RGS22: variants seen among roughly 807,000 people sequenced by gnomAD.
The protein encoded by RGS22 is regulator of G protein signaling 22.
RGS22 carries 148 observed loss-of-function variants against 172.9 expected under a neutral mutation model. The observed-to-expected ratio is 0.86, with a 90% confidence interval of 0.75 to 0.98. The LOEUF is 0.98. RGS22 is among the 50% of genes least tolerant of loss of function. The pLI, the probability that RGS22 is intolerant of heterozygous loss-of-function variation, is 0.00. For missense variants in RGS22, 1,347 were observed against 1,440.8 expected (o/e 0.93, Z 1.05); for synonymous variants, 458 against 480.2 (o/e 0.95, Z 0.60).
At chr8:100,020,742 T>C (rs1305589448) in intron 14 of RGS22, among the ~76,000 whole-genome samples, 2 of 152,184 alleles carry the variant, frequency 1.3e-5, no homozygotes, top group African/African-American at 2.4e-5. Flanking sequence ...AAAGAAATTA[T>C]GATTCAAGTC....
chr8:100,038,835 C>T, intron 14 of RGS22, 96 bp downstream of exon 14: 1 of 575,098 alleles, frequency 1.7e-6, no homozygotes. Flanking sequence ...TGCCTTTTTG[C>T]CTGCGATCCC....
rs144515359 is a variant in RGS22 at position 100,041,782 on chromosome 8, T to G, written c.1938+20A>C. On this transcript the variant is annotated intron_variant, in intron 12 of 27. Transcript: ENST00000360863. ...CAGTTAAATGAAGAATCAGGTTTAT[T>G]CAGTCCTCAAAACACTCACCCTAGG... 3.8e-5 allele frequency: 49 copies of G among 1,297,946 alleles called. No homozygotes were observed. In the East Asian group the frequency reaches 5.8e-4, roughly 15 times the overall value. 80.4% of individuals were successfully genotyped at this position (1,297,946 alleles called of 1,614,324 possible).
At position 100,008,526 on chromosome 8, in the gene RGS22, A is replaced by G. The variant is rs187755012; in HGVS notation, c.2210T>C (p.Ile737Thr). Reference sequence around the variant, plus strand: ...TTTTTTCTTTTCCTGTTGGAGTCCAATGTCAAGAGTGGCAGAAGGAGCAAC... The same window carrying G: ...TTTTTTCTTTTCCTGTTGGAGTCCAGTGTCAAGAGTGGCAGAAGGAGCAAC... The part of the protein sequence containing the change: ...TYVAPSATLD[I>T]GLQQEKKKEI... The change falls in exon 15 of 28, where the codon ATT becomes ACT. Residue 737 changes from isoleucine to threonine, a missense_variant. Physicochemically the swap from Ile to Thr is moderately conservative, Grantham distance 89 (BLOSUM62 -1). Coordinates refer to ENST00000360863, the MANE Select transcript of RGS22 (RefSeq NM_015668.5). 2.5e-6 allele frequency: 4 copies of G among 1,612,180 alleles called. No homozygotes were observed. Among genetic ancestry groups the G allele is most frequent in the African/African-American group, 2.7e-5 (2 of 74,736 alleles).
chr8:99,964,524 G>C (rs1031552432), intron 24 of RGS22, among the ~76,000 whole-genome samples: 1 of 150,054 alleles, frequency 6.7e-6, no homozygotes, highest in Non-Finnish European at 1.5e-5. Context: ...TCTCTAACTG[G>C]ACCCTGATAT....
At chr8:100,023,631 C>T (rs1817852191) in intron 14 of RGS22, among the ~76,000 whole-genome samples, 2 of 152,078 alleles carry the variant, frequency 1.3e-5, no homozygotes, top group African/African-American at 4.8e-5. Context: ...AATAGGGCCT[C>T]ACCACGTTGT....
At chr8:100,037,187 C>T (rs1413947271) in intron 14 of RGS22, among the ~76,000 whole-genome samples, 2 of 152,096 alleles carry the variant, frequency 1.3e-5, no homozygotes, top group Admixed American at 6.5e-5. Context: ...AATCCCAGCA[C>T]TTAGGCTGAG....
chr8:100,049,587 T>C (rs997555916), intron 10 of RGS22, among the ~76,000 whole-genome samples: 1 of 152,308 alleles, frequency 6.6e-6, no homozygotes, highest in East Asian at 1.9e-4. Flanking sequence ...CCCCCTTTCT[T>C]TTCAGCTTAA....
intron 15 of RGS22, among the ~76,000 whole-genome samples, chr8:100,007,211 A>G (rs866568943): frequency 6.6e-6 from 1 of 152,226 alleles, no homozygotes; most frequent in Non-Finnish European, 1.5e-5. Context: ...CGATCTAAGA[A>G]GTTGTTGAGG....
chr8:100,069,326 T>C (rs1238448735), intron 6 of RGS22, among the ~76,000 whole-genome samples: 4 of 152,190 alleles, frequency 2.6e-5, no homozygotes, highest in African/African-American at 7.2e-5. Context: ...ATATCTGTCA[T>C]AGGGAGTAGC....
chr8:100,102,764 G>A (rs546633116), intron 2 of RGS22, among the ~76,000 whole-genome samples: 37 of 152,378 alleles, frequency 2.4e-4, no homozygotes, highest in Non-Finnish European at 2.5e-4. Flanking sequence ...CAGGAGGCAT[G>A]TGGATGTACT....
rs1264819147 is a variant in RGS22, at chr8:100,004,095, T to G, written c.2458A>C (p.Thr820Pro). Residue 820 changes from threonine (T) to proline (P), a missense_variant, in exon 17 of 28, where the codon ACC becomes CCC. Thr to Pro is a conservative substitution (Grantham distance 38). Transcript: ENST00000360863. ...ATGCCAGTTCCAATTTCACAAGTGG[T>G]GTCCTAGTGAAATAGTACTTTTCAG... is the stretch of plus-strand genomic sequence containing the variant. Reference protein sequence around the residue: ...KETFSKKAEDTTCEIGTGILS... With the variant: ...KETFSKKAEDPTCEIGTGILS... 6.3e-7 allele frequency: 1 copy of G among 1,596,568 alleles called. No individual in the cohort carries two copies. Among genetic ancestry groups the G allele is most frequent in the Non-Finnish European group, 8.5e-7 (1 of 1,170,896 alleles).
rs531423663 is a variant in RGS22, at chr8:100,089,625, A to T, written c.117+3822T>A. On this transcript the variant is annotated intron_variant, in intron 3 of 27. Coordinates refer to ENST00000360863, the MANE Select transcript of RGS22 (RefSeq NM_015668.5). ...ACATATGGCACCAAAAATGGAACAC[A>T]ACGGTCTAAGTGCAGTCTGACAATT... Among the ~76,000 whole-genome samples, 11 of 152,214 alleles carry T rather than the reference A, an allele frequency of 7.2e-5. No individual in the cohort carries two copies. The East Asian group carries it at 1.9e-3, about 27-fold the overall frequency.
intron 27 of RGS22, 43 bp downstream of exon 27, chr8:99,962,351 G>A (rs889510868): frequency 3.3e-5 from 41 of 1,251,702 alleles, no homozygotes; most frequent in East Asian, 1.4e-4. Context: ...AGTGTATTAC[G>A]AGGACATGTG....
intron 14 of RGS22, among the ~76,000 whole-genome samples, chr8:100,034,629 T>C (rs767515611): frequency 7.9e-5 from 12 of 152,100 alleles, no homozygotes; most frequent in Non-Finnish European, 1.0e-4. Flanking sequence ...AAAGTGCATA[T>C]GGAACCAAAA....
At chr8:99,971,833 T>C (rs1262484284) in intron 23 of RGS22, among the ~76,000 whole-genome samples, 2 of 152,078 alleles carry the variant, frequency 1.3e-5, no homozygotes, top group Non-Finnish European at 2.9e-5. Context: ...CCCAAAGTAA[T>C]TTATAGATTC....
chr8:99,962,214 G>A (rs1810275717), intron 27 of RGS22, among the ~76,000 whole-genome samples, 180 bp downstream of exon 27: 1 of 152,092 alleles, frequency 6.6e-6, no homozygotes, highest in African/African-American at 2.4e-5. Context: ...ACTCTCCAGA[G>A]GCCTTACTTC....
At chr8:100,051,936 TTTATATATTTATATATAAATGTTTA>T (rs1563672132) in intron 10 of RGS22, among the ~76,000 whole-genome samples, 3 of 49,288 alleles carry the variant, frequency 6.1e-5, no homozygotes, top group African/African-American at 1.7e-4. Context: ...TTTATATATA[TTTATATATTTATATATAAATGTTTA>T]TATATATTTA....
In RGS22 at chr8:100,006,084, T is replaced by G. The variant is rs1180403859; in HGVS notation, c.2387A>C (p.Gln796Pro). 1 of 1,613,048 alleles carries G rather than the reference T, an allele frequency of 6.2e-7. No individual in the cohort carries two copies. Among genetic ancestry groups the G allele is most frequent in the African/African-American group, 1.3e-5 (1 of 74,878 alleles). ...KKVELVEETRQLDSTYFRKLQ... is the reference protein window; with the variant it reads ...KKVELVEETRPLDSTYFRKLQ... ...CTTTCTGAAGTATGTGGAGTCTAAC[T>G]GTCGAGTTTCTTCCACCAGCTCCAC... Residue 796 changes from glutamine (Q) to proline (P), a missense_variant, in exon 16 of 28, where the codon CAG (glutamine) becomes CCG (proline). Physicochemically the swap from Gln to Pro is moderately conservative, Grantham distance 76 (BLOSUM62 -1). Coordinates refer to ENST00000360863, the MANE Select transcript of RGS22 (RefSeq NM_015668.5).
In RGS22 at chr8:100,047,590, CTTCT is replaced by C; in HGVS notation, c.1692_1695del (p.Glu565AsnfsTer17). ...TTAGGAGGTTGTGATAAGCTGAATT[CTTCT>C]TTCTAAAAGATGGTAACATAAGCAA... On this transcript the variant is annotated frameshift_variant and splice_region_variant, in exon 11 of 28. Transcript: ENST00000360863. LOFTEE classifies it high-confidence loss of function. 6.2e-7 allele frequency: 1 copy of C among 1,606,470 alleles called. No individual in the cohort carries two copies. Among genetic ancestry groups the C allele is most frequent in the Non-Finnish European group, 8.5e-7 (1 of 1,177,672 alleles).
Sources: gnomAD v4.1 joint callset for allele counts (sites outside exome capture counted in the v4.1 genomes callset) on GRCh38, gnomAD v4.1.1 for gene constraint, MANE v1.5 for transcripts, NCBI Gene and HGNC (gene_info 2026-07-23, HGNC 2026-07-21) for gene names.